MSRA: variants seen among roughly 807,000 people sequenced by gnomAD.
MSRA encodes methionine sulfoxide reductase A, also known as mitochondrial peptide methionine sulfoxide reductase.
MSRA carries 54 observed loss-of-function variants against 31.3 expected under a neutral mutation model. The observed-to-expected ratio is 1.73, with a 90% confidence interval of 1.39 to 2.17. MSRA has a LOEUF of 2.17. MSRA is among the 30% of genes most tolerant of loss of function. MSRA has a pLI of 0.00. For missense variants in MSRA, 507 were observed against 300.9 expected (o/e 1.69, Z -5.07); for synonymous variants, 169 against 116.5 (o/e 1.45, Z -2.90).
chr8:10,317,716 G>C (rs1161096598), intron 4 of MSRA, among the ~76,000 whole-genome samples: 2 of 152,144 alleles, frequency 1.3e-5, no homozygotes, highest in Non-Finnish European at 2.9e-5. Context: ...GGTACATCAA[G>C]ACAGCCAAAT....
chr8:10,084,118 G>C (rs1480191187), intron 1 of MSRA, among the ~76,000 whole-genome samples: 2 of 152,212 alleles, frequency 1.3e-5, no homozygotes, highest in African/African-American at 2.4e-5. Context: ...GCATTTCAGC[G>C]ACCCTGCTGC....
intron 5 of MSRA, among the ~76,000 whole-genome samples, chr8:10,369,092 A>T (rs75707650): frequency 0.028 from 4,244 of 152,350 alleles, 124 homozygotes; most frequent in Admixed American, 0.079. Flanking sequence ...GATGAACTCT[A>T]CATTCAGTTT....
intron 3 of MSRA, among the ~76,000 whole-genome samples, chr8:10,274,075 G>T (rs1199285235): frequency 1.3e-5 from 2 of 152,132 alleles, no homozygotes; most frequent in Middle Eastern, 3.2e-3. Context: ...TACTGACAGG[G>T]GTTAGCATCA....
chr8:10,077,957 A>C (rs1386971565), intron 1 of MSRA, among the ~76,000 whole-genome samples: 1 of 152,218 alleles, frequency 6.6e-6, no homozygotes, highest in African/African-American at 2.4e-5. Context: ...ATATTAGTGA[A>C]AATATTCACT....
At chr8:10,055,452 T>C (rs1042341602) in intron 1 of MSRA, among the ~76,000 whole-genome samples, 1 of 152,248 alleles carries the variant, frequency 6.6e-6, no homozygotes, top group African/African-American at 2.4e-5. Flanking sequence ...GGCCACACGT[T>C]AATATTACCT....
chr8:10,127,823 C>G (rs1322611500), intron 1 of MSRA, among the ~76,000 whole-genome samples: 1 of 152,102 alleles, frequency 6.6e-6, no homozygotes, highest in African/African-American at 2.4e-5. Flanking sequence ...AAACCTCATC[C>G]TTTTATCTTG....
Position 10,301,523 on chromosome 8 carries a change from T to A in MSRA, c.332-11T>A. 2 of 1,605,480 alleles carry A rather than the reference T, an allele frequency of 1.2e-6. No individual in the cohort carries two copies. Among genetic ancestry groups the A allele is most frequent in the Non-Finnish European group, 1.7e-6 (2 of 1,177,122 alleles). On this transcript the variant is annotated splice_polypyrimidine_tract_variant and intron_variant, in intron 3 of 5. Transcript: ENST00000317173. ...CAGTAAATTTCGGTTGTACGTTTTG[T>A]TTTTTCCAAGAAAAAACTGGCCATG...
chr8:10,374,527 C>G (rs1006973041), intron 5 of MSRA, among the ~76,000 whole-genome samples: 3 of 152,318 alleles, frequency 2.0e-5, no homozygotes, highest in South Asian at 4.1e-4. Flanking sequence ...AAATATTTTA[C>G]AAATCGCCCA....
chr8:10,059,712 C>T lies in MSRA; in HGVS notation c.142+5054C>T, dbSNP rs978847922. Reference sequence around the variant, plus strand: ...ATCATAAGCAAAGCCAAAAGACAAACGATGGTAAATAGTTGCAATTCATAT... The same window carrying T: ...ATCATAAGCAAAGCCAAAAGACAAATGATGGTAAATAGTTGCAATTCATAT... On this transcript the variant is annotated intron_variant, in intron 1 of 5. Transcript: ENST00000317173. Among the ~76,000 whole-genome samples, 16 of 152,040 alleles carry T rather than the reference C, an allele frequency of 1.1e-4. No homozygotes were observed. In the East Asian group the frequency reaches 1.3e-3, roughly 13 times the overall value.
chr8:10,249,270 A>G (rs1797792104), intron 3 of MSRA, among the ~76,000 whole-genome samples: 1 of 152,226 alleles, frequency 6.6e-6, no homozygotes, highest in Admixed American at 6.5e-5. Flanking sequence ...TTAGAATTCA[A>G]TAAAATGCCT....
intron 1 of MSRA, among the ~76,000 whole-genome samples, chr8:10,076,536 C>A (rs1222519801): frequency 2.0e-5 from 3 of 152,236 alleles, no homozygotes; most frequent in Admixed American, 6.5e-5. Context: ...TGATGGTCAA[C>A]ATGGGTGTGC....
At chr8:10,360,951 AG>A (rs1804812990) in intron 5 of MSRA, among the ~76,000 whole-genome samples, 1 of 152,204 alleles carries the variant, frequency 6.6e-6, no homozygotes, top group Non-Finnish European at 1.5e-5. Flanking sequence ...TATCTCTTAA[AG>A]GGATTTATAC....
chr8:10,155,353 G>C (rs2129039105), intron 1 of MSRA, among the ~76,000 whole-genome samples: 1 of 152,288 alleles, frequency 6.6e-6, no homozygotes. Flanking sequence ...TGAGTTGAAA[G>C]TATCAGTATG....
intron 3 of MSRA, among the ~76,000 whole-genome samples, chr8:10,293,689 G>T (rs773361515): frequency 5.9e-5 from 9 of 152,108 alleles, no homozygotes; most frequent in Non-Finnish European, 8.8e-5. Flanking sequence ...TCCGTAAAGG[G>T]TTCCTTTCCT....
chr8:10,290,779 G>C (rs1385646696), intron 3 of MSRA, among the ~76,000 whole-genome samples: 1 of 152,204 alleles, frequency 6.6e-6, no homozygotes, highest in African/African-American at 2.4e-5. Context: ...TAGTTTCTCA[G>C]TGTGCAATAC....
chr8:10,188,004 C>T (rs1281857495), intron 1 of MSRA, among the ~76,000 whole-genome samples: 1 of 152,106 alleles, frequency 6.6e-6, no homozygotes, highest in Non-Finnish European at 1.5e-5. Flanking sequence ...TGTAAGTTCA[C>T]CTTTTAAACA....
intron 1 of MSRA, among the ~76,000 whole-genome samples, chr8:10,061,523 G>T (rs1460865243): frequency 6.6e-6 from 1 of 151,988 alleles, no homozygotes; most frequent in Non-Finnish European, 1.5e-5. Flanking sequence ...TTATTGCACG[G>T]AACTCGCACA....
intron 5 of MSRA, among the ~76,000 whole-genome samples, chr8:10,363,738 C>CACACACACACACACACA (rs377334413): frequency 1.9e-5 from 2 of 103,288 alleles, no homozygotes; most frequent in Admixed American, 1.2e-4. Flanking sequence ...GATGCAGTCA[C>CACACACACACACACACA]CACACACACA....
At chr8:10,354,966 C>G (rs1252438150) in intron 5 of MSRA, among the ~76,000 whole-genome samples, 1 of 151,982 alleles carries the variant, frequency 6.6e-6, no homozygotes, top group African/African-American at 2.4e-5. Context: ...ATGGTTAGTT[C>G]CCTAGAATAA....
Sources: gnomAD v4.1 joint callset for allele counts (sites outside exome capture counted in the v4.1 genomes callset) on GRCh38, gnomAD v4.1.1 for gene constraint, MANE v1.5 for transcripts, NCBI Gene and HGNC (gene_info 2026-07-23, HGNC 2026-07-21) for gene names.